The following GHR variants were observed in gnomAD, a reference collection of about 807,000 sequenced individuals.
The protein encoded by GHR is GH receptor.
Under a neutral mutation model 67.1 loss-of-function variants are expected in GHR, and 35 were observed. The observed-to-expected ratio is 0.52, with a 90% CI of 0.40 to 0.69. The LOEUF (loss-of-function observed/expected upper bound fraction) is 0.69. GHR is among the 30% of genes least tolerant of loss of function. The probability of loss-of-function intolerance (pLI) is 0.00; values close to 1 mark genes in which losing one functional copy is unlikely to be tolerated. For synonymous variants in GHR, 272 were observed against 269.1 expected (o/e 1.01, Z -0.10); for missense variants, 792 against 764.6 (o/e 1.04, Z -0.42).
chr5:42,461,494 T>G (rs1744485558), intron 1 of GHR, among the ~76,000 whole-genome samples: 1 of 152,188 alleles, frequency 6.6e-6, no homozygotes, highest in Admixed American at 6.5e-5. Context: ...TGGGAGCCCC[T>G]TACATCATGA....
At chr5:42,700,128 A>C (rs1028644980) in intron 6 of GHR, 126 bp downstream of exon 6, 1 of 685,056 alleles carries the variant, frequency 1.5e-6, no homozygotes, top group Non-Finnish European at 2.7e-6. Context: ...ATAATTTCTT[A>C]ATTGAGAAAA....
At chr5:42,481,019 C>T (rs1745605686) in intron 1 of GHR, among the ~76,000 whole-genome samples, 1 of 152,096 alleles carries the variant, frequency 6.6e-6, no homozygotes, top group Non-Finnish European at 1.5e-5. Flanking sequence ...TTTGCAGTGG[C>T]TGGTACCGGT....
chr5:42,711,036 T>C (rs139222131), intron 6 of GHR, among the ~76,000 whole-genome samples, 171 bp from the exon 7 acceptor site: 99 of 152,356 alleles, frequency 6.5e-4, no homozygotes, highest in African/African-American at 2.4e-3. Flanking sequence ...ATTTACAAAA[T>C]GATTATTTAC....
chr5:42,638,964 A>G (rs1221944365), intron 3 of GHR, among the ~76,000 whole-genome samples: 1 of 152,188 alleles, frequency 6.6e-6, no homozygotes. Flanking sequence ...CACCTTTGTC[A>G]TTGACCAAAA....
At position 42,719,239 on chromosome 5, in the gene GHR, AG is replaced by A; in HGVS notation, c.1734del (p.Arg578SerfsTer23). 6.2e-7 allele frequency: 1 copy of A among 1,614,030 alleles called. No homozygotes were observed. Among genetic ancestry groups the A allele is most frequent in the Non-Finnish European group, 8.5e-7 (1 of 1,179,926 alleles). On this transcript the variant is annotated frameshift_variant, in exon 10 of 10. Coordinates refer to ENST00000230882, the MANE Select transcript of GHR (RefSeq NM_000163.5). LOFTEE classifies it high-confidence loss of function. Reference sequence around the variant, plus strand: ...AGAAAGCCTTACCACTGCTGCTGGGAGGCCTGGGACAGGAGAACATGTTCCA... The same window carrying A: ...AGAAAGCCTTACCACTGCTGCTGGGAGCCTGGGACAGGAGAACATGTTCCA... ...TTESLTTAAG[R>X]PGTGEHVPGS...
At chr5:42,564,803 A>C (rs999421013) in intron 1 of GHR, among the ~76,000 whole-genome samples, 39 of 152,198 alleles carry the variant, frequency 2.6e-4, no homozygotes, top group Non-Finnish European at 1.2e-4. Flanking sequence ...AAATGAAGCC[A>C]GTAGAGGATC....
chr5:42,509,852 A>T (rs892823603), intron 1 of GHR, among the ~76,000 whole-genome samples: 1 of 152,082 alleles, frequency 6.6e-6, no homozygotes, highest in African/African-American at 2.4e-5. Context: ...CCTGTGCTCT[A>T]GCTGCTAGTG....
intron 1 of GHR, among the ~76,000 whole-genome samples, chr5:42,433,588 T>C (rs1456307470): frequency 6.6e-6 from 1 of 152,162 alleles, no homozygotes. Context: ...GAACAGTCGA[T>C]GACTGTACAA....
rs916032770 is a variant in GHR at position 42,565,804 on chromosome 5, T to A, written c.-11-60T>A. 30 of 1,613,230 alleles carry A rather than the reference T, an allele frequency of 1.9e-5. No homozygotes were observed. In the African/African-American group the frequency reaches 2.5e-4, roughly 14 times the overall value. On this transcript the variant is annotated intron_variant, in intron 1 of 9. Transcript: ENST00000230882. ...GTCTTACCCAGTCTTTAAACAGTAT[T>A]TCATGATAATGGTCTGCTTTTAATT...
intron 1 of GHR, among the ~76,000 whole-genome samples, chr5:42,516,364 T>G (rs1409212238): frequency 6.6e-6 from 1 of 152,172 alleles, no homozygotes; most frequent in Non-Finnish European, 1.5e-5. Flanking sequence ...AAGCCAAAAG[T>G]CACATTAGAG....
chr5:42,578,225 C>G (rs1431540832), intron 2 of GHR, among the ~76,000 whole-genome samples: 1 of 152,092 alleles, frequency 6.6e-6, no homozygotes, highest in East Asian at 1.9e-4. Context: ...CTCTAGGGGT[C>G]AAAATGGCTC....
In GHR at chr5:42,606,836, T is replaced by A. The variant is rs1224692336; in HGVS notation, c.71-22202T>A. On this transcript the variant is annotated intron_variant, in intron 2 of 9. Coordinates refer to ENST00000230882, the MANE Select transcript of GHR (RefSeq NM_000163.5). ...GCAATATCGCCTGTTCACTCTGTAC[T>A]AAGCCTGAGGGAATTGGGGTAGGAA... Among the ~76,000 whole-genome samples the A allele has an allele frequency of 2.6e-5, 4 of 151,980 alleles. No individual in the cohort carries two copies. In the East Asian group the frequency reaches 7.8e-4, roughly 29 times the overall value.
intron 1 of GHR, among the ~76,000 whole-genome samples, chr5:42,473,083 T>A (rs552083163): frequency 6.6e-6 from 1 of 152,230 alleles, no homozygotes; most frequent in Non-Finnish European, 1.5e-5. Flanking sequence ...TTTTTCTCTG[T>A]AGATAGAAAG....
chr5:42,658,076 T>G lies in GHR; in HGVS notation c.136+28973T>G, dbSNP rs1165903559. Among the ~76,000 whole-genome samples, 3 of 152,280 alleles carry G rather than the reference T, an allele frequency of 2.0e-5. No individual in the cohort carries two copies. In the East Asian group the frequency reaches 5.8e-4, roughly 29 times the overall value. ...TTCTGATAATAAAGATGCTTTTCTG[T>G]TTGTTCATATAAATTAGGGTAAAAG... On this transcript the variant is annotated intron_variant, in intron 3 of 9. Transcript: ENST00000230882.
At chr5:42,501,926 C>G (rs1220071444) in intron 1 of GHR, among the ~76,000 whole-genome samples, 2 of 152,154 alleles carry the variant, frequency 1.3e-5, no homozygotes, top group Non-Finnish European at 2.9e-5. Flanking sequence ...CTCACAGCAG[C>G]TTTGTTCATG....
At chr5:42,621,561 G>A (rs1328970894) in intron 2 of GHR, among the ~76,000 whole-genome samples, 1 of 152,184 alleles carries the variant, frequency 6.6e-6, no homozygotes, top group African/African-American at 2.4e-5. Context: ...GATAGGACCT[G>A]TGAGAAAAGA....
chr5:42,552,084 A>C (rs547169755), intron 1 of GHR, among the ~76,000 whole-genome samples: 2 of 152,312 alleles, frequency 1.3e-5, no homozygotes, highest in African/African-American at 4.8e-5. Context: ...TCTGATTTCA[A>C]ACCTCTTTGG....
intron 2 of GHR, among the ~76,000 whole-genome samples, chr5:42,574,453 T>TAGAATAGTTATAGAAA (rs1750528027): frequency 6.6e-6 from 1 of 152,256 alleles, no homozygotes; most frequent in Non-Finnish European, 1.5e-5. Context: ...TCTGCAGTTA[T>TAGAATAGTTATAGAAA]CATTCAGACT....
intron 1 of GHR, among the ~76,000 whole-genome samples, chr5:42,535,573 T>C (rs1471194798): frequency 6.6e-6 from 1 of 152,212 alleles, no homozygotes; most frequent in Non-Finnish European, 1.5e-5. Context: ...AGAGTATAGT[T>C]TGAAATCAGG....
Sources: gnomAD v4.1 joint callset for allele counts (sites outside exome capture counted in the v4.1 genomes callset) on GRCh38, gnomAD v4.1.1 for gene constraint, MANE v1.5 for transcripts, NCBI Gene and HGNC (gene_info 2026-07-23, HGNC 2026-07-21) for gene names.